The following BTBD10 variants were observed in gnomAD, a reference collection of about 807,000 sequenced individuals.
BTBD10 encodes BTB domain containing 10.
BTBD10 carries 21 observed loss-of-function variants against 53.2 expected under a neutral mutation model. The ratio of observed to expected loss-of-function variants is 0.39; its 90% CI spans 0.28 to 0.57. The LOEUF (loss-of-function observed/expected upper bound fraction) is 0.57, where lower values mean the gene tolerates loss of function less well. Among genes scored for constraint, BTBD10 ranks in the 20% least tolerant of loss-of-function variants. The probability of loss-of-function intolerance (pLI) is 0.53; values close to 1 mark genes in which losing one functional copy is unlikely to be tolerated. For missense variants in BTBD10, 360 were observed against 594.7 expected (o/e 0.61, Z 4.10); for synonymous variants, 149 against 192.7 (o/e 0.77, Z 1.88).
chr11:13,389,715 T>C (rs1255259110), intron 8 of BTBD10, among the ~76,000 whole-genome samples: 1 of 152,200 alleles, frequency 6.6e-6, no homozygotes, highest in Non-Finnish European at 1.5e-5. Flanking sequence ...CAAGCCACCA[T>C]GCCGGCCTCT....
At chr11:13,447,818 G>A (rs1030052264) in intron 1 of BTBD10, among the ~76,000 whole-genome samples, 27 of 152,086 alleles carry the variant, frequency 1.8e-4, no homozygotes, top group Non-Finnish European at 3.5e-4. Context: ...TAGTCATAGG[G>A]TTACAAGCAC....
Position 13,389,002 on chromosome 11 carries a change from A to G in BTBD10, c.1257T>C (p.Cys419=), listed in dbSNP as rs368596281. The change falls in exon 9 of 9, where the codon TGT becomes TGC. Residue 419 remains cysteine, a synonymous_variant. Transcript: ENST00000278174. ...EGKSRHVDFQ[C]VKSKSITNLA... The stretch of plus-strand genomic sequence containing the variant: ...GATTGGTGATAGATTTACTCTTTAC[A>G]CACTGAAAGTCTACATGCCGACTCT... 5.6e-6 allele frequency: 9 copies of G among 1,614,018 alleles called. No homozygotes were observed. Among genetic ancestry groups the G allele is most frequent in the Non-Finnish European group, 7.6e-6 (9 of 1,180,060 alleles).
chr11:13,439,300 T>C (rs1017720680), intron 2 of BTBD10, among the ~76,000 whole-genome samples: 1 of 152,100 alleles, frequency 6.6e-6, no homozygotes, highest in Non-Finnish European at 1.5e-5. Flanking sequence ...AGAAATTTTG[T>C]CTGGTTGAAA....
At chr11:13,403,346 TTG>T in intron 7 of BTBD10, 68 bp from the exon 8 acceptor site, 1 of 916,594 alleles carries the variant, frequency 1.1e-6, no homozygotes, top group Non-Finnish European at 1.6e-6. Context: ...TAAATTTATC[TTG>T]CTCATCAAAG....
At chr11:13,409,739 T>A (rs1310596170) in intron 6 of BTBD10, among the ~76,000 whole-genome samples, 2 of 152,208 alleles carry the variant, frequency 1.3e-5, no homozygotes, top group African/African-American at 4.8e-5. Flanking sequence ...TCTAATAATA[T>A]CTCATTTCTT....
Position 13,440,304 on chromosome 11 carries a change from A to G in BTBD10, c.101+4720T>C, listed in dbSNP as rs191270198. The stretch of plus-strand genomic sequence containing the variant: ...TGAGCTGTGATCGTCCCATTTCTCC[A>G]TCTCTGAGCAGTGATTGGATATTGT... On this transcript the variant is annotated intron_variant, in intron 2 of 8. Transcript: ENST00000278174. 5.2e-6 allele frequency: 6 copies of G among 1,145,544 alleles called. No individual in the cohort carries two copies. The East Asian group carries it at 4.0e-4, about 75-fold the overall frequency. The allele number at this position is 1,145,544 out of a possible 1,614,324, so 71.0% of individuals were successfully genotyped here.
At chr11:13,422,596 C>T (rs1175510847) in intron 2 of BTBD10, among the ~76,000 whole-genome samples, 1 of 152,068 alleles carries the variant, frequency 6.6e-6, no homozygotes, top group Non-Finnish European at 1.5e-5. Flanking sequence ...GAGCCGAGAT[C>T]ACGCCACTGC....
At chr11:13,423,118 T>G (rs1212693359) in intron 2 of BTBD10, among the ~76,000 whole-genome samples, 1 of 152,096 alleles carries the variant, frequency 6.6e-6, no homozygotes, top group African/African-American at 2.4e-5. Context: ...GACAAATAGA[T>G]AAAATTTCAA....
chr11:13,391,098 A>C (rs1949395204), intron 8 of BTBD10, among the ~76,000 whole-genome samples: 1 of 152,200 alleles, frequency 6.6e-6, no homozygotes, highest in South Asian at 2.1e-4. Context: ...ATCCTTGCTT[A>C]AAAACTACCA....
chr11:13,440,030 C>A, intron 2 of BTBD10: 1 of 1,533,078 alleles, frequency 6.5e-7, no homozygotes, highest in Non-Finnish European at 8.7e-7. Flanking sequence ...TTTAGCACAT[C>A]TGATATTTCC....
intron 2 of BTBD10, among the ~76,000 whole-genome samples, chr11:13,430,974 T>TACACACACACAC (rs3046409): frequency 0.17 from 24,327 of 144,214 alleles, 2,332 homozygotes; most frequent in Admixed American, 0.26. Context: ...TGGAGATACA[T>TACACACACACAC]ACACACACAC....
intron 7 of BTBD10, chr11:13,405,308 G>C (rs909720295): frequency 1.8e-5 from 3 of 166,130 alleles, no homozygotes; most frequent in African/African-American, 7.1e-5. Context: ...TTTCATAAAG[G>C]AAGTAGTTCT....
chr11:13,429,203 A>C (rs1296819720), intron 2 of BTBD10, among the ~76,000 whole-genome samples: 1 of 152,174 alleles, frequency 6.6e-6, no homozygotes, highest in Non-Finnish European at 1.5e-5. Flanking sequence ...CCGTCTTTAC[A>C]AGTCAATTTT....
chr11:13,400,523 G>A lies in BTBD10; in HGVS notation c.1117+2645C>T, dbSNP rs572264464. 3.6e-3 allele frequency among the ~76,000 whole-genome samples: 541 copies of A among 152,292 alleles called. 3 individuals are homozygous for A. The highest frequency in any genetic ancestry group is 5.1e-3 in the Non-Finnish European group (346 of 68,028). ...GTGAGGCGATGCCTCGCCCTGCTTC[G>A]GCTCACGCACGGTGCGCTGCACCCA... On this transcript the variant is annotated intron_variant, in intron 8 of 8. Coordinates refer to ENST00000278174, the MANE Select transcript of BTBD10 (RefSeq NM_032320.7).
In BTBD10 at chr11:13,419,608, C is replaced by G. The variant is rs750179233; in HGVS notation, c.436G>C (p.Ala146Pro). Residue 146 changes from alanine (A) to proline (P), a missense_variant, in exon 4 of 9, where the codon GCT becomes CCT. Physicochemically the swap from Ala to Pro is conservative, Grantham distance 27. Around this residue, in one of 6 missense-constraint regions of BTBD10, gnomAD observed 109 missense variants for 118.6 expected, o/e 0.92. Transcript: ENST00000278174. Reference sequence around the variant, plus strand: ...TCATATACAAACACCATCTCCCCAGCTGTCTTACAGCTACCATCTGAACTT... The same window carrying G: ...TCATATACAAACACCATCTCCCCAGGTGTCTTACAGCTACCATCTGAACTT... ...QSSSDGSCKT[A>P]GEMVFVYENA... 5.6e-6 allele frequency: 9 copies of G among 1,614,124 alleles called. No individual in the cohort carries two copies. Among genetic ancestry groups the G allele is most frequent in the African/African-American group, 1.3e-5 (1 of 75,036 alleles).
In BTBD10 at chr11:13,419,495, G is replaced by A; in HGVS notation, c.549C>T (p.Ser183=). 3.1e-6 allele frequency: 5 copies of A among 1,613,422 alleles called. No individual in the cohort carries two copies. Among genetic ancestry groups the A allele is most frequent in the African/African-American group, 1.3e-5 (1 of 74,980 alleles). Residue 183 remains serine, a synonymous_variant, in exon 4 of 9, where the codon TCC becomes TCT. Coordinates refer to ENST00000278174, the MANE Select transcript of BTBD10 (RefSeq NM_032320.7). ...VDNTRFVVDP[S]IFTAQPNTML... ...TTGTATTTGGCTGTGCAGTAAAAAT[G>A]GATGGGTCTACAACAAATCTAGTGT... is the stretch of plus-strand genomic sequence containing the variant.
chr11:13,399,364 C>T (rs960915455), intron 8 of BTBD10, among the ~76,000 whole-genome samples: 1 of 152,204 alleles, frequency 6.6e-6, no homozygotes, highest in African/African-American at 2.4e-5. Flanking sequence ...GTGCATTCGT[C>T]ACGTAGTTCT....
At chr11:13,425,465 C>A (rs1310246743) in intron 2 of BTBD10, among the ~76,000 whole-genome samples, 1 of 151,614 alleles carries the variant, frequency 6.6e-6, no homozygotes, top group Admixed American at 6.6e-5. Context: ...AACACATAAC[C>A]CATGAGGAAA....
intron 1 of BTBD10, among the ~76,000 whole-genome samples, chr11:13,458,974 C>T (rs1296877888): frequency 1.3e-5 from 2 of 151,918 alleles, no homozygotes; most frequent in Non-Finnish European, 2.9e-5. Flanking sequence ...ATCATAACAA[C>T]GCTTGTACAA....
Sources: allele counts gnomAD v4.1 joint callset (sites outside exome capture counted in the v4.1 genomes callset), GRCh38; gene constraint gnomAD v4.1.1; regional missense constraint gnomAD v4.1.1; transcripts MANE v1.5; gene names NCBI Gene and HGNC (gene_info 2026-07-23, HGNC 2026-07-21).